HHAT: variants seen among roughly 807,000 people sequenced by gnomAD.
HHAT encodes the protein protein-cysteine N-palmitoyltransferase HHAT.
A neutral mutation model predicts 70.8 loss-of-function variants in HHAT; 47 were observed. That is an observed-to-expected ratio of 0.66 (90% CI 0.53 to 0.85). The LOEUF is 0.85. Ranked by LOEUF, HHAT falls within the 40% of genes least tolerant of loss-of-function variation. The pLI, the probability that HHAT is intolerant of heterozygous loss-of-function variation, is 0.00. For missense variants in HHAT, 609 were observed against 604.8 expected (o/e 1.01, Z -0.07); for synonymous variants, 228 against 247.6 (o/e 0.92, Z 0.74).
At chr1:210,446,127 C>T (rs1265080611) in intron 7 of HHAT, among the ~76,000 whole-genome samples, 1 of 152,162 alleles carries the variant, frequency 6.6e-6, no homozygotes, top group Non-Finnish European at 1.5e-5. Context: ...ATTCTCTTGT[C>T]GGGTGGGCGA....
intron 9 of HHAT, among the ~76,000 whole-genome samples, chr1:210,539,493 G>A (rs1054459743): frequency 2.0e-5 from 3 of 152,162 alleles, no homozygotes; most frequent in African/African-American, 7.2e-5. Context: ...AGTAGGAGTG[G>A]CCATCCCTCA....
chr1:210,414,256 G>A (rs559417353), intron 6 of HHAT, among the ~76,000 whole-genome samples: 14 of 152,274 alleles, frequency 9.2e-5, no homozygotes, highest in African/African-American at 3.4e-4. Flanking sequence ...TGAAGGGTCT[G>A]CTCTCATGAC....
chr1:210,335,629 G>A (rs1206006410), intron 1 of HHAT, among the ~76,000 whole-genome samples: 2 of 152,132 alleles, frequency 1.3e-5, no homozygotes, highest in Non-Finnish European at 2.9e-5. Context: ...ATACATCTGT[G>A]GTCTTTTGAT....
chr1:210,374,102 A>G (rs536346572), intron 3 of HHAT: 5 of 151,164 alleles, frequency 3.3e-5, no homozygotes, highest in Non-Finnish European at 5.9e-5. Context: ...ACTTAAGCCT[A>G]AAGTTGCACC....
intron 7 of HHAT, among the ~76,000 whole-genome samples, chr1:210,442,916 A>T (rs1273613996): frequency 6.6e-6 from 1 of 151,994 alleles, no homozygotes; most frequent in Non-Finnish European, 1.5e-5. Context: ...TTAGACATGA[A>T]GTCCTTGCCC....
chr1:210,339,537 T>A (rs1236748408), intron 1 of HHAT, among the ~76,000 whole-genome samples: 5 of 152,174 alleles, frequency 3.3e-5, no homozygotes, highest in Non-Finnish European at 5.9e-5. Flanking sequence ...GCCTCTGTTC[T>A]TTTGGAACCC....
At chr1:210,673,518 A>G (rs1298949718) in intron 11 of HHAT, among the ~76,000 whole-genome samples, 2 of 151,864 alleles carry the variant, frequency 1.3e-5, no homozygotes, top group East Asian at 3.9e-4. Flanking sequence ...ACATGAGACT[A>G]CACTCAGACT....
At chr1:210,536,319 C>A (rs958630584) in intron 9 of HHAT, among the ~76,000 whole-genome samples, 1 of 152,254 alleles carries the variant, frequency 6.6e-6, no homozygotes, top group Admixed American at 6.5e-5. Flanking sequence ...ATAGCTACTG[C>A]TGGTATTTTG....
chr1:210,613,583 T>G (rs1667024549), intron 10 of HHAT, among the ~76,000 whole-genome samples: 1 of 152,190 alleles, frequency 6.6e-6, no homozygotes, highest in South Asian at 2.1e-4. Flanking sequence ...TTTTCAAGGT[T>G]GTTTTGGCCA....
chr1:210,542,329 C>A (rs1043730480), intron 9 of HHAT, among the ~76,000 whole-genome samples: 1 of 152,100 alleles, frequency 6.6e-6, no homozygotes, highest in Non-Finnish European at 1.5e-5. Flanking sequence ...CCTGGCTTAC[C>A]AGGGACATGG....
Position 210,396,589 on chromosome 1 carries a change from G to A in HHAT, c.274-3879G>A, listed in dbSNP as rs115168175. On this transcript the variant is annotated intron_variant, in intron 4 of 11. Transcript: ENST00000261458. ...TGCACCCCAGCAAGTGTGATCTTGG[G>A]CATTTATCCCAGAGAAATGAAAACT... is the stretch of plus-strand genomic sequence containing the variant. Among the ~76,000 whole-genome samples the A allele has an allele frequency of 4.7e-3, 718 of 152,284 alleles. 11 individuals carry two copies. Among genetic ancestry groups the A allele is most frequent in the African/African-American group, 0.014 (592 of 41,554 alleles).
In HHAT at chr1:210,623,564, C is replaced by T. The variant is rs117382486; in HGVS notation, c.1284C>T (p.His428=). ...CCCCACAAGCTCGCCGTCGATTCCA[C>T]GCTGCCCTTGCTTCTTGTTCCACCT... ...YFSPQARRRF[H]AALASCSTSM... is the part of the protein sequence containing the mutation. The change falls in exon 11 of 12, where the codon CAC becomes CAT. Residue 428 remains histidine, a synonymous_variant. Transcript: ENST00000261458. 89 of 1,614,070 alleles carry T rather than the reference C, an allele frequency of 5.5e-5. 1 individual carries two copies. The East Asian group carries it at 6.7e-4, about 12-fold the overall frequency.
rs1462989149 is a variant in HHAT at position 210,610,884 on chromosome 1, T to G, written c.1246-12642T>G. Among the ~76,000 whole-genome samples the G allele has an allele frequency of 2.0e-5, 3 of 152,272 alleles. No individual in the cohort carries two copies. The East Asian group carries it at 5.8e-4, about 29-fold the overall frequency. On this transcript the variant is annotated intron_variant, in intron 10 of 11. Transcript: ENST00000261458. ...TTCTATCAGTCTATGTGTCTGTTCTTGTACCAGACACATAGTTTTGGTTAT... is the reference window on the plus strand; with the variant it reads ...TTCTATCAGTCTATGTGTCTGTTCTGGTACCAGACACATAGTTTTGGTTAT...
chr1:210,567,045 A>G (rs1654928427), intron 9 of HHAT, among the ~76,000 whole-genome samples: 1 of 152,170 alleles, frequency 6.6e-6, no homozygotes, highest in Admixed American at 6.5e-5. Context: ...GCTCCTGCAC[A>G]TCTCTGTCTC....
intron 8 of HHAT, among the ~76,000 whole-genome samples, chr1:210,475,878 C>T (rs950460357): frequency 1.3e-5 from 2 of 152,098 alleles, no homozygotes; most frequent in African/African-American, 4.8e-5. Flanking sequence ...AAAAAAATCC[C>T]TGTTAGGATT....
intron 2 of HHAT, among the ~76,000 whole-genome samples, chr1:210,359,916 G>C (rs972212247): frequency 6.6e-6 from 1 of 152,064 alleles, no homozygotes; most frequent in Non-Finnish European, 1.5e-5. Context: ...ACTGATTTCG[G>C]TAATAATAAA....
At chr1:210,556,906 C>G (rs1042674353) in intron 9 of HHAT, among the ~76,000 whole-genome samples, 2 of 152,192 alleles carry the variant, frequency 1.3e-5, no homozygotes, top group East Asian at 3.9e-4. Context: ...CACTGACCCC[C>G]TGAAGGGCTA....
At chr1:210,564,913 CT>C (rs760744527) in intron 9 of HHAT, among the ~76,000 whole-genome samples, 1 of 151,978 alleles carries the variant, frequency 6.6e-6, no homozygotes, top group Non-Finnish European at 1.5e-5. Context: ...TTTCAAGGAC[CT>C]TAAATACCTG....
At chr1:210,586,870 G>T (rs1337908187) in intron 9 of HHAT, among the ~76,000 whole-genome samples, 1 of 152,170 alleles carries the variant, frequency 6.6e-6, no homozygotes, top group Non-Finnish European at 1.5e-5. Flanking sequence ...ACATAGTACT[G>T]TCTCTACGTA....
Sources: allele counts gnomAD v4.1 joint callset (sites outside exome capture counted in the v4.1 genomes callset), GRCh38; gene constraint gnomAD v4.1.1; transcripts MANE v1.5; gene names NCBI Gene and HGNC (gene_info 2026-07-23, HGNC 2026-07-21).